Variants in CGRRF1 observed in about 807,000 individuals in gnomAD.
CGRRF1 encodes cell growth regulator with ring finger domain 1, also known as cell growth regulator with RING finger domain protein 1.
A neutral mutation model predicts 37.2 loss-of-function variants in CGRRF1; 32 were observed. The ratio of observed to expected loss-of-function variants is 0.86; its 90% CI spans 0.65 to 1.16. The LOEUF (loss-of-function observed/expected upper bound fraction) is 1.16, where lower values mean the gene tolerates loss of function less well. Ranked by LOEUF, CGRRF1 falls within the 50% of genes most tolerant of loss-of-function variation. The pLI, the probability that CGRRF1 is intolerant of heterozygous loss-of-function variation, is 0.00. For synonymous variants in CGRRF1, 141 were observed against 140.3 expected, an observed-to-expected ratio of 1.00 and a Z score of -0.04; for missense variants, 391 against 382.6, an observed-to-expected ratio of 1.02 and a Z score of -0.18.
chr14:54,510,310 T>G (rs964947009), intron 1 of CGRRF1: 1 of 527,704 alleles, frequency 1.9e-6, no homozygotes, highest in Non-Finnish European at 3.4e-6. Flanking sequence ...CGCATTGGGG[T>G]GTTTTACTCA....
In CGRRF1 at chr14:54,530,869, T is replaced by A. The variant is rs1239539206; in HGVS notation, c.423-34T>A. On this transcript the variant is annotated intron_variant, in intron 3 of 5. Transcript: ENST00000216420. ...TTTGGTGTATTTTTGTTCTTATGGT[T>A]ATAGTGGCAATTTACCTTTACATTT... The A allele has an allele frequency of 2.0e-6, 3 of 1,500,432 alleles. No individual in the cohort carries two copies. The South Asian group carries it at 3.4e-5, about 17-fold the overall frequency. 92.9% of individuals were successfully genotyped at this position (1,500,432 alleles called of 1,614,324 possible).
chr14:54,529,799 A>C (rs1313507615), intron 2 of CGRRF1, among the ~76,000 whole-genome samples: 1 of 152,230 alleles, frequency 6.6e-6, no homozygotes, highest in Non-Finnish European at 1.5e-5. Context: ...AACAGTTTCT[A>C]AGCTTTAATA....
chr14:54,514,163 G>A (rs2032179202), intron 1 of CGRRF1, among the ~76,000 whole-genome samples: 1 of 152,146 alleles, frequency 6.6e-6, no homozygotes, highest in African/African-American at 2.4e-5. Context: ...ATCTCTGCAT[G>A]TTGCCTAGTA....
chr14:54,514,081 C>T (rs990238255), intron 1 of CGRRF1, among the ~76,000 whole-genome samples: 2 of 152,068 alleles, frequency 1.3e-5, no homozygotes, highest in Non-Finnish European at 2.9e-5. Flanking sequence ...AATAACCTCA[C>T]CTAGGGTAGT....
In CGRRF1 at chr14:54,530,853, T is replaced by A. The variant is rs369449295; in HGVS notation, c.423-50T>A. ...TAACTTATTGATCATTTTTGGTGTA[T>A]TTTTGTTCTTATGGTTATAGTGGCA... On this transcript the variant is annotated intron_variant, in intron 3 of 5. Transcript: ENST00000216420. The A allele has an allele frequency of 8.2e-5, 115 of 1,402,114 alleles. No individual in the cohort carries two copies. In the African/African-American group the frequency reaches 1.4e-3, roughly 17 times the overall value. The allele number at this position is 1,402,114 out of a possible 1,614,324, so 86.9% of individuals were successfully genotyped here.
rs532585452 is a variant in CGRRF1, at chr14:54,510,930, A to G, written c.104+867A>G. 1.8e-4 allele frequency among the ~76,000 whole-genome samples: 28 copies of G among 152,372 alleles called. 1 individual carries two copies. The South Asian group carries it at 2.7e-3, about 15-fold the overall frequency. On this transcript the variant is annotated intron_variant, in intron 1 of 5. Transcript: ENST00000216420. ...ATCAAACAGCAGTTCTAAGTGGATAACAGCCATGGTCTGAAGAGGTCAGAG... is the reference window on the plus strand; with the variant it reads ...ATCAAACAGCAGTTCTAAGTGGATAGCAGCCATGGTCTGAAGAGGTCAGAG...
chr14:54,519,569 C>T (rs1320016523), intron 1 of CGRRF1, among the ~76,000 whole-genome samples: 8 of 152,060 alleles, frequency 5.3e-5, no homozygotes, highest in Admixed American at 1.3e-4. Flanking sequence ...AGTCTTATAA[C>T]GACAGTTCTG....
chr14:54,530,235 T>C lies in CGRRF1; in HGVS notation c.422+9T>C. The C allele has an allele frequency of 6.3e-6, 10 of 1,584,246 alleles. No homozygotes were observed. The highest frequency in any genetic ancestry group is 8.6e-6 in the Non-Finnish European group (10 of 1,156,174). Reference sequence around the variant, plus strand: ...TATCAGGAACAGTATTTGTATCCTTTCGTCTGATATACCCATTAGCACTGA... The same window carrying C: ...TATCAGGAACAGTATTTGTATCCTTCCGTCTGATATACCCATTAGCACTGA... On this transcript the variant is annotated intron_variant, in intron 3 of 5. Transcript: ENST00000216420.
At chr14:54,527,283 A>G (rs2032428219) in intron 2 of CGRRF1, among the ~76,000 whole-genome samples, 1 of 152,210 alleles carries the variant, frequency 6.6e-6, no homozygotes, top group African/African-American at 2.4e-5. Context: ...GTCTTCAGAT[A>G]GTGGAAATCA....
intron 2 of CGRRF1, among the ~76,000 whole-genome samples, chr14:54,525,037 ACT>A (rs1209149823): frequency 6.6e-6 from 1 of 151,942 alleles, no homozygotes; most frequent in Non-Finnish European, 1.5e-5. Flanking sequence ...ACAGAGTGAG[ACT>A]CTGTCTCAAA....
rs181246089 is a variant in CGRRF1 at position 54,513,557 on chromosome 14, G to A, written c.104+3494G>A. ...GCCACGGAAAGACTTGCTAAAAATT[G>A]GACACAGTTTTATGTTATGTTATGT... is the stretch of plus-strand genomic sequence containing the variant. On this transcript the variant is annotated intron_variant, in intron 1 of 5. Coordinates refer to ENST00000216420, the MANE Select transcript of CGRRF1 (RefSeq NM_006568.3). Among the ~76,000 whole-genome samples, 274 of 148,778 alleles carry A rather than the reference G, an allele frequency of 1.8e-3. 5 individuals are homozygous for A. Among genetic ancestry groups the A allele is most frequent in the South Asian group, 1.7e-3 (8 of 4,578 alleles).
intron 2 of CGRRF1, among the ~76,000 whole-genome samples, chr14:54,525,474 A>G (rs948433278): frequency 6.6e-6 from 1 of 152,238 alleles, no homozygotes; most frequent in Non-Finnish European, 1.5e-5. Flanking sequence ...AAATGTGTGG[A>G]TGTACAGCAT....
intron 1 of CGRRF1, among the ~76,000 whole-genome samples, chr14:54,519,245 C>CT (rs999065611): frequency 1.2e-3 from 175 of 141,384 alleles, no homozygotes; most frequent in African/African-American, 3.9e-3. Flanking sequence ...TGTGCCTGGC[C>CT]TTTTTTTTTT....
chr14:54,538,221 TGGGACTGTGAACTG>T lies in CGRRF1; in HGVS notation c.840_853del (p.Val282LeufsTer10), dbSNP rs2032631871. ...GCAAGGACTGTGTTGTTTGCCAGAA[TGGGACTGTGAACTG>T]GGTACTCTTACCATGCAGACACACA... On this transcript the variant is annotated frameshift_variant, in exon 6 of 6. Coordinates refer to ENST00000216420, the MANE Select transcript of CGRRF1 (RefSeq NM_006568.3). LOFTEE classifies it high-confidence loss of function. 6.2e-7 allele frequency: 1 copy of T among 1,614,224 alleles called. No homozygotes were observed. Among genetic ancestry groups the T allele is most frequent in the East Asian group, 2.2e-5 (1 of 44,892 alleles).
chr14:54,528,368 G>A (rs547337888), intron 2 of CGRRF1, among the ~76,000 whole-genome samples: 1 of 151,450 alleles, frequency 6.6e-6, no homozygotes, highest in South Asian at 2.1e-4. Flanking sequence ...CATTTAATCC[G>A]CATTGATGAA....
chr14:54,537,998 ACCC>A (rs2032626572), intron 5 of CGRRF1, 62 bp from the exon 6 acceptor site: 10 of 1,455,462 alleles, frequency 6.9e-6, no homozygotes, highest in Non-Finnish European at 9.1e-6. Context: ...GCTTCTTATG[ACCC>A]CCAATTTTAA....
intron 1 of CGRRF1, among the ~76,000 whole-genome samples, chr14:54,515,058 T>C (rs991897990): frequency 6.6e-6 from 1 of 151,694 alleles, no homozygotes; most frequent in Non-Finnish European, 1.5e-5. Context: ...TTAAAAATAA[T>C]ATATATTCTG....
intron 3 of CGRRF1, chr14:54,530,479 G>C: frequency 9.4e-7 from 1 of 1,066,638 alleles, no homozygotes; most frequent in Non-Finnish European, 1.3e-6. Flanking sequence ...CTAACTTATT[G>C]ATCATTTTTG....
chr14:54,512,130 A>G (rs1291222543), intron 1 of CGRRF1, among the ~76,000 whole-genome samples: 1 of 152,084 alleles, frequency 6.6e-6, no homozygotes, highest in Non-Finnish European at 1.5e-5. Context: ...CACCCTTGTC[A>G]TTGTTTTGTT....
Sources: allele counts gnomAD v4.1 joint callset (sites outside exome capture counted in the v4.1 genomes callset), GRCh38; gene constraint gnomAD v4.1.1; transcripts MANE v1.5; gene names NCBI Gene and HGNC (gene_info 2026-07-23, HGNC 2026-07-21).